The following SP100 variants were observed in gnomAD, a reference collection of about 807,000 sequenced individuals.
SP100 encodes SP100 nuclear body protein.
Under a neutral mutation model 130.0 loss-of-function variants are expected in SP100, and 84 were observed. The observed-to-expected ratio is 0.65, with a 90% confidence interval of 0.54 to 0.77. The LOEUF (loss-of-function observed/expected upper bound fraction) is 0.77. SP100 is among the 30% of genes least tolerant of loss of function. The probability of loss-of-function intolerance (pLI) is 0.00; values close to 1 mark genes in which losing one functional copy is unlikely to be tolerated. For synonymous variants in SP100, 331 were observed against 351.7 expected, an observed-to-expected ratio of 0.94 and a Z score of 0.66; for missense variants, 978 against 1,052.2, an observed-to-expected ratio of 0.93 and a Z score of 0.97.
rs1397204995 is a variant in SP100 at position 230,446,071 on chromosome 2, CT to C, written c.440-747del. ...AAGACAACATTCTCCTGTTTCTAGC[CT>C]CATCTTTAAAGATGTTGAGGTTTTT... On this transcript the variant is annotated intron_variant, in intron 4 of 28. Transcript: ENST00000340126. Among the ~76,000 whole-genome samples the C allele has an allele frequency of 3.9e-5, 6 of 152,172 alleles. No individual in the cohort carries two copies. The East Asian group carries it at 9.6e-4, about 24-fold the overall frequency.
intron 8 of SP100, among the ~76,000 whole-genome samples, chr2:230,460,618 T>C (rs113554020): frequency 0.012 from 108 of 8,658 alleles, 44 homozygotes; most frequent in African/African-American, 0.081. Context: ...TTTTTTTTTT[T>C]TTTTTTTTTT....
rs77974503 is a variant in SP100, at chr2:230,443,197, C to G, written c.270+98C>G. The G allele has an allele frequency of 1.3e-3, 1,503 of 1,160,722 alleles. 14 individuals carry two copies. The African/African-American group carries it at 0.021, about 16-fold the overall frequency. The allele number at this position is 1,160,722 out of a possible 1,614,324, so 71.9% of individuals were successfully genotyped here. On this transcript the variant is annotated intron_variant, in intron 3 of 28. Transcript: ENST00000340126. ...AAAACTTCAGGGTACAATTTGCTAA[C>G]TGACAGGTCTCCTATGAGTGGGGAA...
At chr2:230,475,311 A>G (rs1261688748) in intron 17 of SP100, among the ~76,000 whole-genome samples, 1 of 151,884 alleles carries the variant, frequency 6.6e-6, no homozygotes, top group Non-Finnish European at 1.5e-5. Context: ...CATTTTTTTC[A>G]TGTTTGTTGA....
At chr2:230,510,633 A>AAGTAG (rs576516862) in intron 23 of SP100, 981 of 56,432 alleles carry the variant, frequency 0.017, 18 homozygotes, top group African/African-American at 0.085. Flanking sequence ...CCCTCAGCCC[A>AAGTAG]CTACAGGTGC....
At chr2:230,463,467 A>G (rs1473510804) in intron 10 of SP100, among the ~76,000 whole-genome samples, 1 of 152,178 alleles carries the variant, frequency 6.6e-6, no homozygotes, top group Non-Finnish European at 1.5e-5. Flanking sequence ...AAGACCTAAG[A>G]GCAAAGAAGA....
At chr2:230,523,443 G>A (rs952834720) in intron 24 of SP100, among the ~76,000 whole-genome samples, 8 of 152,168 alleles carry the variant, frequency 5.3e-5, no homozygotes, top group Non-Finnish European at 1.2e-4. Context: ...AAGGCAGGTG[G>A]ATCACTTGAG....
chr2:230,524,196 A>AAAAAAAAAAAAAAAAG (rs1559534607), intron 24 of SP100, among the ~76,000 whole-genome samples: 2 of 110,234 alleles, frequency 1.8e-5, no homozygotes, highest in Non-Finnish European at 4.5e-5. Context: ...AAAAAAAAAA[A>AAAAAAAAAAAAAAAAG]AAAAAGAAAA....
intron 21 of SP100, 42 bp downstream of exon 21, chr2:230,504,332 T>C (rs778026287): frequency 1.0e-5 from 12 of 1,143,944 alleles, no homozygotes. Flanking sequence ...CTGGAAAATA[T>C]CCACACAGAT....
At chr2:230,520,891 G>C (rs1440511511) in intron 24 of SP100, among the ~76,000 whole-genome samples, 1 of 152,186 alleles carries the variant, frequency 6.6e-6, no homozygotes, top group African/African-American at 2.4e-5. Flanking sequence ...ATTGGATACA[G>C]ATTGCAACAT....
intron 8 of SP100, among the ~76,000 whole-genome samples, chr2:230,450,993 G>T (rs1005662588): frequency 2.0e-5 from 3 of 152,104 alleles, no homozygotes; most frequent in Non-Finnish European, 4.4e-5. Flanking sequence ...GATTTATGAT[G>T]GTTAGACATA....
intron 24 of SP100, among the ~76,000 whole-genome samples, chr2:230,535,003 T>A (rs1691865506): frequency 6.6e-6 from 1 of 152,006 alleles, no homozygotes; most frequent in Non-Finnish European, 1.5e-5. Context: ...GAGACCACCC[T>A]GGCCAAGATG....
chr2:230,535,443 T>C (rs1691892060), intron 24 of SP100, among the ~76,000 whole-genome samples: 1 of 152,208 alleles, frequency 6.6e-6, no homozygotes, highest in African/African-American at 2.4e-5. Flanking sequence ...TAATTTCTTA[T>C]GGATTTTTTT....
intron 24 of SP100, among the ~76,000 whole-genome samples, chr2:230,513,324 A>C (rs1559529781): frequency 6.6e-6 from 1 of 152,212 alleles, no homozygotes. Context: ...GAAATAAATC[A>C]GTGTCCTTTT....
intron 18 of SP100, among the ~76,000 whole-genome samples, chr2:230,497,513 AGAGGAGAGG>A: frequency 4.7e-5 from 1 of 21,486 alleles, no homozygotes; most frequent in Admixed American, 5.3e-4. Context: ...AGAGGAGAGG[AGAGGAGAGG>A]AGAGGAGAGG....
At position 230,545,126 on chromosome 2, in the gene SP100, T is replaced by C. The variant is rs1309065453; in HGVS notation, c.*2180T>C. On this transcript the variant is annotated 3_prime_UTR_variant, in exon 29 of 29. Transcript: ENST00000340126. ...TAAATCATTCTACCATAAAGACACA[T>C]GCATGCAAATGTCCACTGCAGCACT... Among the ~76,000 whole-genome samples the C allele has an allele frequency of 6.6e-6, 1 of 152,172 alleles. No individual in the cohort carries two copies. The highest frequency in any genetic ancestry group is 2.4e-5 in the African/African-American group (1 of 41,454).
At chr2:230,494,163 T>C (rs371790026) in intron 17 of SP100, among the ~76,000 whole-genome samples, 4 of 152,050 alleles carry the variant, frequency 2.6e-5, no homozygotes, top group Non-Finnish European at 4.4e-5. Context: ...ACTTTCTTTA[T>C]TGTGAATGAT....
intron 22 of SP100, among the ~76,000 whole-genome samples, 167 bp from the exon 23 acceptor site, chr2:230,507,826 T>A (rs1402466863): frequency 6.6e-6 from 1 of 152,196 alleles, no homozygotes; most frequent in East Asian, 1.9e-4. Flanking sequence ...TTGAAATGCT[T>A]CCTTGAATCC....
At chr2:230,534,623 T>G (rs1691845950) in intron 24 of SP100, among the ~76,000 whole-genome samples, 1 of 152,264 alleles carries the variant, frequency 6.6e-6, no homozygotes, top group South Asian at 2.1e-4. Flanking sequence ...TTGACTTATT[T>G]GTTACATTAG....
chr2:230,458,693 G>C (rs1306141566), intron 8 of SP100, among the ~76,000 whole-genome samples: 1 of 152,148 alleles, frequency 6.6e-6, no homozygotes, highest in Non-Finnish European at 1.5e-5. Flanking sequence ...CTTCAGGAAG[G>C]AATGGCAAGT....
Sources: gnomAD v4.1 joint callset for allele counts (sites outside exome capture counted in the v4.1 genomes callset) on GRCh38, gnomAD v4.1.1 for gene constraint, MANE v1.5 for transcripts, NCBI Gene and HGNC (gene_info 2026-07-23, HGNC 2026-07-21) for gene names.